The following PLEKHA7 variants were observed in gnomAD, a reference collection of about 807,000 sequenced individuals.
PLEKHA7 encodes the protein pleckstrin homology domain-containing family A member 7.
PLEKHA7 carries 104 observed loss-of-function variants against 170.0 expected under a neutral mutation model. The ratio of observed to expected loss-of-function variants is 0.61; its 90% CI spans 0.52 to 0.72. PLEKHA7 has a LOEUF of 0.72. Ranked by LOEUF, PLEKHA7 falls within the 30% of genes least tolerant of loss-of-function variation. The pLI is 0.00. For missense variants in PLEKHA7, 1,615 were observed against 1,671.7 expected (o/e 0.97, Z 0.59); for synonymous variants, 648 against 660.8 (o/e 0.98, Z 0.30).
intron 3 of PLEKHA7, among the ~76,000 whole-genome samples, chr11:16,992,553 C>T (rs1034697401): frequency 3.9e-5 from 6 of 152,098 alleles, no homozygotes; most frequent in African/African-American, 1.4e-4. Flanking sequence ...GTCAGCAGTT[C>T]GAGACCAGCC....
intron 3 of PLEKHA7, among the ~76,000 whole-genome samples, chr11:17,004,369 A>G (rs1031035797): frequency 4.0e-5 from 6 of 149,898 alleles, no homozygotes; most frequent in Middle Eastern, 3.4e-3. Flanking sequence ...CTAATGCAGT[A>G]TACACCTTTT....
At chr11:16,781,426 C>T (rs569192197) in intron 26 of PLEKHA7, among the ~76,000 whole-genome samples, 5 of 152,250 alleles carry the variant, frequency 3.3e-5, no homozygotes, top group East Asian at 1.9e-4. Flanking sequence ...GCAAGCAAGG[C>T]GAGAGGAGGG....
At chr11:16,785,511 C>T (rs887102629) in intron 24 of PLEKHA7, among the ~76,000 whole-genome samples, 1 of 152,228 alleles carries the variant, frequency 6.6e-6, no homozygotes. Context: ...CAGCCATAGA[C>T]GCTGCCCTGA....
At chr11:16,898,343 T>C (rs527401481) in intron 3 of PLEKHA7, among the ~76,000 whole-genome samples, 1 of 152,372 alleles carries the variant, frequency 6.6e-6, no homozygotes, top group Admixed American at 6.5e-5. Context: ...AGGTCTGGTA[T>C]ATTTTCATAA....
chr11:16,903,771 C>T (rs961213611), intron 3 of PLEKHA7, among the ~76,000 whole-genome samples: 1 of 152,214 alleles, frequency 6.6e-6, no homozygotes, highest in African/African-American at 2.4e-5. Flanking sequence ...TTTGCCCATT[C>T]AATTCCAAAA....
intron 3 of PLEKHA7, among the ~76,000 whole-genome samples, chr11:16,896,063 C>T (rs960828813): frequency 2.0e-5 from 3 of 152,178 alleles, no homozygotes; most frequent in African/African-American, 7.2e-5. Context: ...TAAATATCTT[C>T]CCCAGGAAAG....
At chr11:17,007,766 G>A (rs974473468) in intron 3 of PLEKHA7, among the ~76,000 whole-genome samples, 8 of 151,924 alleles carry the variant, frequency 5.3e-5, no homozygotes, top group Non-Finnish European at 1.0e-4. Context: ...TAAAGATAGG[G>A]TTTTACCATG....
intron 8 of PLEKHA7, 81 bp from the exon 9 acceptor site, chr11:16,841,803 T>G: frequency 5.0e-6 from 7 of 1,407,660 alleles, no homozygotes; most frequent in South Asian, 1.4e-5. Flanking sequence ...GGAGGCACTA[T>G]GGCCCTTCTA....
chr11:16,926,367 C>T (rs1280022305), intron 3 of PLEKHA7, among the ~76,000 whole-genome samples: 4 of 152,196 alleles, frequency 2.6e-5, no homozygotes. Flanking sequence ...AGAACTACAG[C>T]ACCTCTCAGC....
At chr11:16,810,916 C>A (rs185309643) in intron 13 of PLEKHA7, among the ~76,000 whole-genome samples, 2 of 152,156 alleles carry the variant, frequency 1.3e-5, no homozygotes, top group African/African-American at 2.4e-5. Context: ...TTCGGAGTCA[C>A]GGTCCATTAA....
intron 3 of PLEKHA7, among the ~76,000 whole-genome samples, chr11:16,981,469 C>T (rs1863423220): frequency 6.6e-6 from 1 of 152,100 alleles, no homozygotes; most frequent in Admixed American, 6.5e-5. Flanking sequence ...ACACCTGCTG[C>T]TCTTCACCCC....
At chr11:16,942,614 G>A (rs1028250287) in intron 3 of PLEKHA7, among the ~76,000 whole-genome samples, 1 of 152,232 alleles carries the variant, frequency 6.6e-6, no homozygotes, top group Non-Finnish European at 1.5e-5. Flanking sequence ...AGAGAGTGAA[G>A]AAGCAGAGTG....
At chr11:16,823,876 C>T (rs747837981) in intron 10 of PLEKHA7, among the ~76,000 whole-genome samples, 4 of 152,042 alleles carry the variant, frequency 2.6e-5, no homozygotes, top group Admixed American at 1.3e-4. Flanking sequence ...AACAGATGAA[C>T]GGATAAACAA....
intron 13 of PLEKHA7, among the ~76,000 whole-genome samples, chr11:16,808,798 T>C (rs1849160541): frequency 6.6e-6 from 1 of 152,186 alleles, no homozygotes; most frequent in Non-Finnish European, 1.5e-5. Flanking sequence ...AGCTAAGGTA[T>C]AGGGTTCTGA....
chr11:16,957,772 C>T (rs1861799125), intron 3 of PLEKHA7, among the ~76,000 whole-genome samples: 1 of 134,396 alleles, frequency 7.4e-6, no homozygotes, highest in African/African-American at 2.8e-5. Flanking sequence ...GGCACAATCT[C>T]AGATCACTGT....
intron 3 of PLEKHA7, among the ~76,000 whole-genome samples, chr11:17,002,004 C>T (rs1010694269): frequency 3.0e-4 from 45 of 152,224 alleles, no homozygotes; most frequent in African/African-American, 1.1e-3. Context: ...AGCTCATAGG[C>T]CCCTAAGCTA....
At chr11:16,870,067 G>C (rs76846406) in intron 4 of PLEKHA7, among the ~76,000 whole-genome samples, 1,752 of 152,254 alleles carry the variant, frequency 0.012, 27 homozygotes, top group African/African-American at 0.04. Flanking sequence ...GGCTGTACAT[G>C]TATTTTTATG....
At chr11:16,904,248 G>A (rs1857515497) in intron 3 of PLEKHA7, among the ~76,000 whole-genome samples, 2 of 152,298 alleles carry the variant, frequency 1.3e-5, no homozygotes, top group African/African-American at 4.8e-5. Context: ...CTGAGTGCCT[G>A]CTCTGTACCC....
intron 3 of PLEKHA7, among the ~76,000 whole-genome samples, chr11:16,931,091 T>C (rs889042985): frequency 2.0e-5 from 3 of 152,318 alleles, no homozygotes; most frequent in African/African-American, 7.2e-5. Flanking sequence ...AATTAATAAA[T>C]AGCTTTATTG....
Sources: allele counts gnomAD v4.1 joint callset (sites outside exome capture counted in the v4.1 genomes callset), GRCh38; gene constraint gnomAD v4.1.1; transcripts MANE v1.5; gene names NCBI Gene and HGNC (gene_info 2026-07-23, HGNC 2026-07-21).